The following PSMD14 variants were observed in gnomAD, a reference collection of about 807,000 sequenced individuals.
PSMD14 encodes the protein ubiquitin C-terminal hydrolase PSMD14.
Under a neutral mutation model 41.2 loss-of-function variants are expected in PSMD14, and 7 were observed. The ratio of observed to expected loss-of-function variants is 0.17; its 90% CI spans 0.10 to 0.32. The LOEUF is 0.32. Among genes scored for constraint, PSMD14 ranks in the 10% least tolerant of loss-of-function variants. The pLI is 1.00. For synonymous variants in PSMD14, 114 were observed against 122.3 expected, an observed-to-expected ratio of 0.93 and a Z score of 0.45; for missense variants, 139 against 375.6, an observed-to-expected ratio of 0.37 and a Z score of 5.21.
At chr2:161,396,799 A>AAGAGGTTT (rs1417701499) in intron 10 of PSMD14, among the ~76,000 whole-genome samples, 1 of 152,068 alleles carries the variant, frequency 6.6e-6, no homozygotes, top group Admixed American at 6.6e-5. Flanking sequence ...ATGTCAGGAT[A>AAGAGGTTT]AGAGGTTTTT....
chr2:161,316,669 A>G (rs1689151323), intron 2 of PSMD14, 100 bp downstream of exon 2: 1 of 152,222 alleles, frequency 6.6e-6, no homozygotes, highest in African/African-American at 2.4e-5. Context: ...CAAATTATGA[A>G]TGTGATTGAT....
At chr2:161,398,913 A>T (rs1317742231) in intron 10 of PSMD14, among the ~76,000 whole-genome samples, 1 of 152,100 alleles carries the variant, frequency 6.6e-6, no homozygotes, top group African/African-American at 2.4e-5. Context: ...TTATTTGGAT[A>T]TGATAGAATG....
intron 3 of PSMD14, among the ~76,000 whole-genome samples, chr2:161,366,066 G>A (rs1683353162): frequency 6.6e-6 from 1 of 152,088 alleles, no homozygotes; most frequent in African/African-American, 2.4e-5. Context: ...TTTATATGAT[G>A]ACTTCAGCAA....
chr2:161,404,186 G>C (rs1042912371), intron 10 of PSMD14, among the ~76,000 whole-genome samples: 1 of 151,914 alleles, frequency 6.6e-6, no homozygotes, highest in African/African-American at 2.4e-5. Context: ...GATTATTACA[G>C]TTGTGAGCCA....
intron 3 of PSMD14, among the ~76,000 whole-genome samples, chr2:161,337,590 T>C (rs906486477): frequency 9.2e-5 from 14 of 152,206 alleles, no homozygotes; most frequent in African/African-American, 3.1e-4. Context: ...AGATTGTTAA[T>C]AGGCATTGCT....
At chr2:161,406,298 C>G (rs1328043762) in intron 10 of PSMD14, among the ~76,000 whole-genome samples, 2 of 152,162 alleles carry the variant, frequency 1.3e-5, no homozygotes, top group East Asian at 3.8e-4. Context: ...GGATAGCCAT[C>G]TGGGGGTCTT....
intron 3 of PSMD14, among the ~76,000 whole-genome samples, chr2:161,332,351 A>T (rs1682806441): frequency 1.3e-5 from 2 of 152,224 alleles, no homozygotes; most frequent in South Asian, 2.1e-4. Context: ...CCAGAAACTG[A>T]TTAGTGCTTC....
intron 3 of PSMD14, among the ~76,000 whole-genome samples, chr2:161,329,789 G>A (rs975310693): frequency 1.1e-4 from 16 of 151,940 alleles, no homozygotes; most frequent in African/African-American, 3.1e-4. Flanking sequence ...ATATTTATAC[G>A]ATAGAAAATT....
At chr2:161,332,066 TC>T (rs1682801846) in intron 3 of PSMD14, among the ~76,000 whole-genome samples, 1 of 152,196 alleles carries the variant, frequency 6.6e-6, no homozygotes, top group African/African-American at 2.4e-5. Flanking sequence ...ACTTAAATAG[TC>T]TTGTAATTTT....
chr2:161,371,466 C>T (rs1683433099), intron 7 of PSMD14, 144 bp downstream of exon 7: 1 of 732,998 alleles, frequency 1.4e-6, no homozygotes, highest in Non-Finnish European at 2.1e-6. Flanking sequence ...AAAAACTGTA[C>T]AAGTTGATAA....
At chr2:161,328,633 T>G (rs1682739086) in intron 3 of PSMD14, among the ~76,000 whole-genome samples, 1 of 152,132 alleles carries the variant, frequency 6.6e-6, no homozygotes, top group African/African-American at 2.4e-5. Context: ...TTATATTACT[T>G]AAATTTAAAG....
At chr2:161,402,508 G>T (rs1289823254) in intron 10 of PSMD14, among the ~76,000 whole-genome samples, 1 of 151,990 alleles carries the variant, frequency 6.6e-6, no homozygotes, top group East Asian at 1.9e-4. Flanking sequence ...GGGTGTGGTG[G>T]CATGCACCCG....
At chr2:161,357,576 A>G (rs1683225095) in intron 3 of PSMD14, among the ~76,000 whole-genome samples, 1 of 152,218 alleles carries the variant, frequency 6.6e-6, no homozygotes, top group South Asian at 2.1e-4. Flanking sequence ...CTTGTTTTAC[A>G]AGGGATATGT....
At chr2:161,328,598 C>T (rs967828467) in intron 3 of PSMD14, among the ~76,000 whole-genome samples, 12 of 151,992 alleles carry the variant, frequency 7.9e-5, no homozygotes, top group Admixed American at 7.2e-4. Context: ...GTGACTGGAG[C>T]AGCTGGAGAA....
chr2:161,386,596 G>A (rs1250610710), intron 8 of PSMD14, among the ~76,000 whole-genome samples: 3 of 151,760 alleles, frequency 2.0e-5, no homozygotes, highest in Admixed American at 1.3e-4. Flanking sequence ...AAACTGCAAA[G>A]TATAATGTGT....
intron 3 of PSMD14, among the ~76,000 whole-genome samples, chr2:161,326,996 T>G (rs10469684): frequency 0.68 from 102,687 of 152,014 alleles, 34,932 homozygotes; most frequent in Admixed American, 0.72. Context: ...CCTGTTGATA[T>G]GGAGGGCTGA....
chr2:161,391,052 T>C, intron 8 of PSMD14, 52 bp from the exon 9 acceptor site: 1 of 1,390,296 alleles, frequency 7.2e-7, no homozygotes, highest in Non-Finnish European at 9.5e-7. Flanking sequence ...CAAACATTTT[T>C]ATTAGGTGAA....
In PSMD14 at chr2:161,321,655, T is replaced by A. The variant is rs182733756; in HGVS notation, c.48+2782T>A. ...TTTAACCTGAGTATAAATTTGGAGG[T>A]CCTCACAACCTCCTCAGGTTTGATA... On this transcript the variant is annotated intron_variant, in intron 3 of 11. Coordinates refer to ENST00000409682, the MANE Select transcript of PSMD14 (RefSeq NM_005805.6). Among the ~76,000 whole-genome samples the A allele has an allele frequency of 2.8e-3, 428 of 152,238 alleles. 5 individuals are homozygous for A. The highest frequency in any genetic ancestry group is 9.7e-3 in the African/African-American group (401 of 41,532).
chr2:161,311,037 T>C (rs1052071756), intron 1 of PSMD14, among the ~76,000 whole-genome samples: 2 of 152,248 alleles, frequency 1.3e-5, no homozygotes, highest in African/African-American at 2.4e-5. Flanking sequence ...CCAGGCGTGG[T>C]GGCTCACGCC....
Sources: allele counts gnomAD v4.1 joint callset (sites outside exome capture counted in the v4.1 genomes callset), GRCh38; gene constraint gnomAD v4.1.1; transcripts MANE v1.5; gene names NCBI Gene and HGNC (gene_info 2026-07-23, HGNC 2026-07-21).